The following CEACAM5 variants were observed in gnomAD, a reference collection of about 807,000 sequenced individuals.
CEACAM5 encodes the protein CEA cell adhesion molecule 5, also known as cell adhesion molecule CEACAM5.
Under a neutral mutation model 63.0 loss-of-function variants are expected in CEACAM5, and 52 were observed. That is an observed-to-expected ratio of 0.83 (90% CI 0.66 to 1.04). CEACAM5 has a LOEUF of 1.04. Among genes scored for constraint, CEACAM5 ranks in the 50% least tolerant of loss-of-function variants. The pLI, the probability that CEACAM5 is intolerant of heterozygous loss-of-function variation, is 0.00. For missense variants in CEACAM5, 790 were observed against 864.8 expected (o/e 0.91, Z 1.08); for synonymous variants, 357 against 351.3 (o/e 1.02, Z -0.18).
intron 8 of CEACAM5, among the ~76,000 whole-genome samples, 197 bp downstream of exon 8, chr19:41,721,373 C>T (rs1568710178): frequency 1.3e-5 from 2 of 152,238 alleles, no homozygotes; most frequent in African/African-American, 2.4e-5. Flanking sequence ...TCACGGCTGA[C>T]CTCGGGTCCA....
In CEACAM5 at chr19:41,721,121, C is replaced by G. The variant is rs149056934; in HGVS notation, c.1971C>G (p.Val657=). 1.2e-6 allele frequency: 2 copies of G among 1,614,226 alleles called. No homozygotes were observed. The highest frequency in any genetic ancestry group is 1.7e-6 in the Non-Finnish European group (2 of 1,180,040). ...ATAACGGGACCTATGCCTGTTTTGT[C>G]TCTAACTTGGCTACTGGCCGCAATA... is the stretch of plus-strand genomic sequence containing the variant. The part of the protein sequence containing the change: ...PNNNGTYACF[V]SNLATGRNNS... Residue 657 remains valine, a synonymous_variant, in exon 8 of 10, where the codon GTC becomes GTG. Transcript: ENST00000221992.
At chr19:41,722,959 G>A (rs1377753020) in intron 8 of CEACAM5, among the ~76,000 whole-genome samples, 1 of 152,126 alleles carries the variant, frequency 6.6e-6, no homozygotes, top group Non-Finnish European at 1.5e-5. Flanking sequence ...CCAGGCTGGA[G>A]TGCACTGGCG....
intron 8 of CEACAM5, 50 bp from the exon 9 acceptor site, chr19:41,727,184 A>G (rs2072711577): frequency 1.4e-6 from 2 of 1,411,072 alleles, no homozygotes; most frequent in Non-Finnish European, 2.0e-6. Flanking sequence ...CCACTGTAAA[A>G]TAACATCACA....
At chr19:41,717,320 C>T (rs551879865) in intron 4 of CEACAM5, 135 bp from the exon 5 acceptor site, 108 of 929,192 alleles carry the variant, frequency 1.2e-4, no homozygotes, top group African/African-American at 3.1e-4. Flanking sequence ...TGTCTTGTGA[C>T]GCACACACAC....
intron 5 of CEACAM5, 85 bp downstream of exon 5, chr19:41,717,818 C>A: frequency 6.6e-7 from 1 of 1,513,924 alleles, no homozygotes; most frequent in Non-Finnish European, 9.0e-7. Context: ...CCCTCTCAGG[C>A]CCAAGGACAG....
chr19:41,713,029 G>A (rs1331896284), intron 2 of CEACAM5, among the ~76,000 whole-genome samples: 4 of 152,176 alleles, frequency 2.6e-5, no homozygotes, highest in South Asian at 2.1e-4. Context: ...ACTGAAGGCC[G>A]GGCACGGTGG....
intron 3 of CEACAM5, 139 bp downstream of exon 3, chr19:41,715,388 C>A (rs1215949388): frequency 1.5e-6 from 2 of 1,362,302 alleles, no homozygotes; most frequent in Non-Finnish European, 2.1e-6. Context: ...ACTTTCTGCC[C>A]CAGAAAAACC....
chr19:41,710,477 A>G (rs2072418914), intron 2 of CEACAM5, among the ~76,000 whole-genome samples: 1 of 152,180 alleles, frequency 6.6e-6, no homozygotes. Context: ...CTCCTGGGCA[A>G]GGCTAACTGG....
chr19:41,714,760 A>G (rs1209433863), intron 2 of CEACAM5, among the ~76,000 whole-genome samples: 2 of 152,104 alleles, frequency 1.3e-5, no homozygotes, highest in South Asian at 2.1e-4. Context: ...CACACTTGAG[A>G]AAGTCTGTGC....
At chr19:41,718,874 C>T (rs1401908407) in intron 6 of CEACAM5, among the ~76,000 whole-genome samples, 1 of 152,244 alleles carries the variant, frequency 6.6e-6, no homozygotes, top group African/African-American at 2.4e-5. Flanking sequence ...TCCGGGCTCC[C>T]CCAGTGACTG....
chr19:41,723,074 A>AT (rs568698753), intron 8 of CEACAM5, among the ~76,000 whole-genome samples: 74 of 146,200 alleles, frequency 5.1e-4, no homozygotes, highest in South Asian at 1.3e-3. Flanking sequence ...AGCTTGGCTA[A>AT]TTTTTTTTTT....
At position 41,720,004 on chromosome 19, in the gene CEACAM5, T is replaced by A; in HGVS notation, c.1567T>A (p.Cys523Ser). 6.8e-6 allele frequency: 11 copies of A among 1,614,234 alleles called. No individual in the cohort carries two copies. Among genetic ancestry groups the A allele is most frequent in the Non-Finnish European group, 9.3e-6 (11 of 1,180,052 alleles). The change falls in exon 7 of 10, where the codon TGT (cysteine) becomes AGT (serine). Residue 523 changes from cysteine (C) to serine (S), a missense_variant. By Grantham distance (112) the Cys-to-Ser change is moderately radical. Transcript: ENST00000221992. ...GGACAAGGATGCTGTGGCCTTCACCTGTGAACCTGAGGCTCAGAACACAAC... is the reference window on the plus strand; with the variant it reads ...GGACAAGGATGCTGTGGCCTTCACCAGTGAACCTGAGGCTCAGAACACAAC... ...VEDKDAVAFT[C>S]EPEAQNTTYL...
At chr19:41,725,736 T>C (rs10403308) in intron 8 of CEACAM5, among the ~76,000 whole-genome samples, 63,915 of 152,016 alleles carry the variant, frequency 0.42, 14,615 homozygotes, top group African/African-American at 0.61. Flanking sequence ...TAATAAATGA[T>C]TGTCAATTTT....
intron 4 of CEACAM5, among the ~76,000 whole-genome samples, chr19:41,716,722 A>G (rs1394537752): frequency 2.6e-5 from 4 of 152,202 alleles, no homozygotes; most frequent in Admixed American, 6.5e-5. Context: ...AGTGTCAAAA[A>G]TCGTGTGTTT....
intron 3 of CEACAM5, 193 bp downstream of exon 3, chr19:41,715,442 C>A: frequency 8.8e-7 from 1 of 1,131,354 alleles, no homozygotes; most frequent in East Asian, 2.5e-5. Flanking sequence ...GGAGGGGCTG[C>A]TTCTGTCCTG....
chr19:41,722,903 G>C (rs1188896651), intron 8 of CEACAM5, among the ~76,000 whole-genome samples: 1 of 151,584 alleles, frequency 6.6e-6, no homozygotes, highest in Non-Finnish European at 1.5e-5. Context: ...TTGTTTGTTT[G>C]TTTGTTTGTT....
rs139130037 is a variant in CEACAM5 at position 41,717,520 on chromosome 19, G to A, written c.1024G>A (p.Ala342Thr). The A allele has an allele frequency of 1.5e-5, 25 of 1,614,108 alleles. No individual in the cohort carries two copies. In the African/African-American group the frequency reaches 3.3e-4, roughly 22 times the overall value. Residue 342 changes from alanine to threonine, a missense_variant, in exon 5 of 10, where the codon GCC becomes ACC. By Grantham distance (58) the Ala-to-Thr change is moderately conservative (BLOSUM62 0). Transcript: ENST00000221992. ...CCCCGTGGAGGATGAGGATGCTGTA[G>A]CCTTAACCTGTGAACCTGAGATTCA... ...SNPVEDEDAV[A>T]LTCEPEIQNT... is the part of the protein sequence containing the mutation.
chr19:41,723,010 C>T (rs1568711299), intron 8 of CEACAM5, among the ~76,000 whole-genome samples: 2 of 152,118 alleles, frequency 1.3e-5, no homozygotes, highest in Admixed American at 6.5e-5. Flanking sequence ...CGTGTTCACG[C>T]CATTCTCCTG....
chr19:41,711,140 C>A (rs1312252402), intron 2 of CEACAM5, among the ~76,000 whole-genome samples: 1 of 152,086 alleles, frequency 6.6e-6, no homozygotes, highest in African/African-American at 2.4e-5. Context: ...AGCTCAGAAG[C>A]GGAGATTCTG....
Sources: allele counts gnomAD v4.1 joint callset (sites outside exome capture counted in the v4.1 genomes callset), GRCh38; gene constraint gnomAD v4.1.1; transcripts MANE v1.5; gene names NCBI Gene and HGNC (gene_info 2026-07-23, HGNC 2026-07-21).